Variants in USP15 observed in about 807,000 individuals in gnomAD.
USP15 encodes the protein ubiquitin carboxyl-terminal hydrolase 15.
USP15 carries 18 observed loss-of-function variants against 127.1 expected under a neutral mutation model. The ratio of observed to expected loss-of-function variants is 0.14; its 90% CI spans 0.10 to 0.21. The LOEUF (loss-of-function observed/expected upper bound fraction) is 0.21. Among genes scored for constraint, USP15 ranks in the 10% least tolerant of loss-of-function variants. The pLI, the probability that USP15 is intolerant of heterozygous loss-of-function variation, is 1.00. For synonymous variants in USP15, 364 were observed against 393.7 expected (o/e 0.92, Z 0.89); for missense variants, 805 against 1,159.9 (o/e 0.69, Z 4.44).
In USP15 at chr12:62,320,660, A is replaced by G. The variant is rs144059604; in HGVS notation, c.476-804A>G. On this transcript the variant is annotated intron_variant, in intron 4 of 21. Coordinates refer to ENST00000280377, the MANE Select transcript of USP15 (RefSeq NM_001252078.2). ...CTTACTGACTACAAGACTATTACAA[A>G]ACATTAGCTGCTAAGTAGATAGTAT... 2.2e-3 allele frequency among the ~76,000 whole-genome samples: 337 copies of G among 152,266 alleles called. 2 individuals carry two copies. The highest frequency in any genetic ancestry group is 7.8e-3 in the African/African-American group (324 of 41,556).
intron 1 of USP15, chr12:62,278,534 A>T (rs1030001561): frequency 6.6e-6 from 1 of 152,168 alleles, no homozygotes; most frequent in African/African-American, 2.4e-5. Context: ...ACAACATCAC[A>T]ATGGCTACAT....
At chr12:62,319,187 G>C (rs7137068) in intron 4 of USP15, among the ~76,000 whole-genome samples, 1 of 151,942 alleles carries the variant, frequency 6.6e-6, no homozygotes, top group African/African-American at 2.4e-5. Context: ...GCAAGAGAGA[G>C]AGAGCAAAGG....
intron 11 of USP15, among the ~76,000 whole-genome samples, chr12:62,386,199 G>A (rs189723640): frequency 2.2e-3 from 328 of 150,492 alleles, no homozygotes; most frequent in Non-Finnish European, 3.7e-3. Flanking sequence ...CCATTTAGAG[G>A]CAGTAACAAC....
chr12:62,293,391 C>G (rs757526058), intron 1 of USP15, among the ~76,000 whole-genome samples: 1 of 152,194 alleles, frequency 6.6e-6, no homozygotes, highest in Non-Finnish European at 1.5e-5. Context: ...GAGTCTCTCT[C>G]TGTCGCCCAG....
At chr12:62,356,201 C>G (rs886783091) in intron 8 of USP15, among the ~76,000 whole-genome samples, 2 of 151,616 alleles carry the variant, frequency 1.3e-5, no homozygotes, top group African/African-American at 4.8e-5. Flanking sequence ...GAATTTTAAC[C>G]TTTTTTTCGT....
chr12:62,292,909 G>A (rs2064015958), intron 1 of USP15, among the ~76,000 whole-genome samples: 1 of 152,182 alleles, frequency 6.6e-6, no homozygotes, highest in Non-Finnish European at 1.5e-5. Context: ...CTGAGTGGGT[G>A]CTGGGGAATG....
At chr12:62,379,201 CAAA>C (rs59155021) in intron 8 of USP15, among the ~76,000 whole-genome samples, 1 of 134,702 alleles carries the variant, frequency 7.4e-6, no homozygotes, top group Admixed American at 7.5e-5. Flanking sequence ...TTAGTAAGGC[CAAA>C]AAAAAAAAAA....
At chr12:62,391,630 C>G (rs1282719333) in intron 16 of USP15, among the ~76,000 whole-genome samples, 186 bp from the exon 17 acceptor site, 1 of 151,988 alleles carries the variant, frequency 6.6e-6, no homozygotes, top group Non-Finnish European at 1.5e-5. Flanking sequence ...ACTCATGCTT[C>G]AGTTTTCTAT....
In USP15 at chr12:62,333,909, CAAATAGAAT is replaced by C. The variant is rs572148596; in HGVS notation, c.683+7979_683+7987del. 2.8e-4 allele frequency among the ~76,000 whole-genome samples: 42 copies of C among 152,154 alleles called. 1 individual carries two copies. The South Asian group carries it at 8.7e-3, about 32-fold the overall frequency. On this transcript the variant is annotated intron_variant, in intron 6 of 21. Transcript: ENST00000280377. ...GGTAATGAAGAAGGACAGTTGGCAT[CAAATAGAAT>C]AATCATGAAGGCTCAGGAAAACTTG...
intron 14 of USP15, 49 bp from the exon 15 acceptor site, chr12:62,390,814 GT>G: frequency 7.2e-7 from 1 of 1,388,380 alleles, no homozygotes; most frequent in Non-Finnish European, 9.9e-7. Context: ...CTTTTTAAAA[GT>G]TTTTATCTTT....
chr12:62,369,746 TA>T (rs1565892778), intron 8 of USP15, among the ~76,000 whole-genome samples: 1 of 152,214 alleles, frequency 6.6e-6, no homozygotes, highest in African/African-American at 2.4e-5. Flanking sequence ...AGACTTCTAA[TA>T]AGTATTTTTA....
Position 62,408,114 on chromosome 12 carries a change from A to C in USP15, c.*3739A>C, listed in dbSNP as rs1393226075. ...TTGATTGAAGTGAGTTTATCTTATAAAATAAGCCGGGAGACTGAAATGGAG... is the reference window on the plus strand; with the variant it reads ...TTGATTGAAGTGAGTTTATCTTATACAATAAGCCGGGAGACTGAAATGGAG... On this transcript the variant is annotated 3_prime_UTR_variant, in exon 22 of 22. Transcript: ENST00000280377. 2.0e-5 allele frequency: 3 copies of C among 152,092 alleles called. No individual in the cohort carries two copies. Among genetic ancestry groups the C allele is most frequent in the African/African-American group, 7.2e-5 (3 of 41,426 alleles). 9.4% of individuals were successfully genotyped at this position (152,092 alleles called of 1,614,324 possible). A position where few individuals can be genotyped will look rare whatever the true frequency, so the allele number is the denominator to read the frequency against.
intron 1 of USP15, among the ~76,000 whole-genome samples, chr12:62,269,722 G>T (rs1003687442): frequency 6.6e-6 from 1 of 152,080 alleles, no homozygotes; most frequent in Non-Finnish European, 1.5e-5. Context: ...TGTCTAGCCA[G>T]ACATAATGTG....
intron 5 of USP15, among the ~76,000 whole-genome samples, chr12:62,322,217 T>G (rs950618547): frequency 7.2e-5 from 11 of 152,116 alleles, no homozygotes; most frequent in Non-Finnish European, 1.3e-4. Flanking sequence ...AACCTCTGCT[T>G]CCCAAGTTGA....
intron 8 of USP15, among the ~76,000 whole-genome samples, chr12:62,377,594 C>T (rs1350821364): frequency 9.2e-5 from 14 of 151,896 alleles, no homozygotes; most frequent in Admixed American, 9.2e-4. Flanking sequence ...GTGGCACGTG[C>T]CTGTAATCCC....
chr12:62,396,201 T>C (rs2067487031), intron 19 of USP15, 94 bp from the exon 20 acceptor site: 2 of 763,022 alleles, frequency 2.6e-6, no homozygotes, highest in Non-Finnish European at 4.1e-6. Flanking sequence ...GATATAGATA[T>C]ATATATGTAT....
intron 8 of USP15, among the ~76,000 whole-genome samples, chr12:62,373,160 G>T (rs1565895529): frequency 1.3e-5 from 2 of 151,924 alleles, no homozygotes; most frequent in African/African-American, 2.4e-5. Flanking sequence ...CTTTCAATAT[G>T]AAAATTAATG....
Position 62,411,249 on chromosome 12 carries a change from T to A in USP15, c.*6874T>A, listed in dbSNP as rs1054157600. 2.0e-5 allele frequency: 3 copies of A among 152,276 alleles called. No individual in the cohort carries two copies. Among genetic ancestry groups the A allele is most frequent in the Non-Finnish European group, 4.4e-5 (3 of 68,110 alleles). 9.4% of individuals were successfully genotyped at this position (152,276 alleles called of 1,614,324 possible). ...GACAACTCAGATAGTCACTACATCC[T>A]CTTGCTCTTTCTCATTTTTACTCTT... is the stretch of plus-strand genomic sequence containing the variant. On this transcript the variant is annotated 3_prime_UTR_variant, in exon 22 of 22. Coordinates refer to ENST00000280377, the MANE Select transcript of USP15 (RefSeq NM_001252078.2).
intron 8 of USP15, among the ~76,000 whole-genome samples, chr12:62,376,980 G>A (rs776167284): frequency 2.0e-5 from 3 of 151,984 alleles, no homozygotes; most frequent in Non-Finnish European, 4.4e-5. Flanking sequence ...AAGAATCTTC[G>A]AGATAGATAC....
Sources: gnomAD v4.1 joint callset for allele counts (sites outside exome capture counted in the v4.1 genomes callset) on GRCh38, gnomAD v4.1.1 for gene constraint, MANE v1.5 for transcripts, NCBI Gene and HGNC (gene_info 2026-07-23, HGNC 2026-07-21) for gene names.